The following FHIP1A variants were observed in gnomAD, a reference collection of about 807,000 sequenced individuals.
The protein encoded by FHIP1A is FHF complex subunit HOOK-interacting protein 1A.
FHIP1A carries 61 observed loss-of-function variants against 88.6 expected under a neutral mutation model. The observed-to-expected ratio is 0.69, with a 90% confidence interval of 0.56 to 0.85. FHIP1A has a LOEUF of 0.85. FHIP1A is among the 40% of genes least tolerant of loss of function. The probability of loss-of-function intolerance (pLI) is 0.00; values close to 1 mark genes in which losing one functional copy is unlikely to be tolerated. For synonymous variants in FHIP1A, 478 were observed against 496.0 expected, an observed-to-expected ratio of 0.96 and a Z score of 0.48; for missense variants, 1,154 against 1,273.5, an observed-to-expected ratio of 0.91 and a Z score of 1.43.
At chr4:151,610,553 C>T (rs1735283361) in intron 7 of FHIP1A, among the ~76,000 whole-genome samples, 1 of 152,182 alleles carries the variant, frequency 6.6e-6, no homozygotes, top group Non-Finnish European at 1.5e-5. Flanking sequence ...AATCCCAAAG[C>T]TCCTTCTACC....
chr4:151,630,765 A>C (rs1736129307), intron 8 of FHIP1A, among the ~76,000 whole-genome samples: 1 of 152,238 alleles, frequency 6.6e-6, no homozygotes, highest in Non-Finnish European at 1.5e-5. Flanking sequence ...TAGGCCATAT[A>C]ACAAGCCTCA....
chr4:151,522,558 C>T (rs1454160200), intron 3 of FHIP1A, among the ~76,000 whole-genome samples: 1 of 152,178 alleles, frequency 6.6e-6, no homozygotes, highest in Admixed American at 6.5e-5. Context: ...TGTGAATTCC[C>T]TTCAGTATCC....
chr4:151,454,726 A>G lies in FHIP1A; in HGVS notation c.-330A>G, dbSNP rs974487886. 9 of 151,758 alleles carry G rather than the reference A, an allele frequency of 5.9e-5. No individual in the cohort carries two copies. The highest frequency in any genetic ancestry group is 1.3e-4 in the Admixed American group (2 of 15,238). 9.4% of individuals were successfully genotyped at this position (151,758 alleles called of 1,614,324 possible). A position where few individuals can be genotyped will look rare whatever the true frequency, so the allele number is the denominator to read the frequency against. On this transcript the variant is annotated 5_prime_UTR_variant, in exon 2 of 14. Coordinates refer to ENST00000435205, the MANE Select transcript of FHIP1A (RefSeq NM_001109977.3). Reference sequence around the variant, plus strand: ...GTGATACACTTGGGTGTTGAAGGACATTTTTGAAATCATGAGAACTCAATG... The same window carrying G: ...GTGATACACTTGGGTGTTGAAGGACGTTTTTGAAATCATGAGAACTCAATG...
chr4:151,492,405 A>G (rs1730314749), intron 3 of FHIP1A, among the ~76,000 whole-genome samples: 1 of 151,998 alleles, frequency 6.6e-6, no homozygotes, highest in East Asian at 1.9e-4. Context: ...CAGCCTGATC[A>G]ATATGGTGAA....
Position 151,649,675 on chromosome 4 carries a change from T to G in FHIP1A, c.1634T>G (p.Val545Gly), listed in dbSNP as rs1167194686. 2 of 1,551,590 alleles carry G rather than the reference T, an allele frequency of 1.3e-6. No homozygotes were observed. Among genetic ancestry groups the G allele is most frequent in the South Asian group, 2.4e-5 (2 of 84,060 alleles). Residue 545 changes from valine to glycine, a missense_variant, in exon 11 of 14, where the codon GTG (valine) becomes GGG (glycine). Val to Gly is a moderately radical substitution (Grantham distance 109, BLOSUM62 -3). Coordinates refer to ENST00000435205, the MANE Select transcript of FHIP1A (RefSeq NM_001109977.3). ...FLQSLTEEGS[V>G]SSACPVFGLP... ...CAGAGTCTGACGGAGGAGGGCAGTG[T>G]GAGCTCGGCCTGCCCTGTGTTCGGG...
chr4:151,494,618 T>C (rs890837899), intron 3 of FHIP1A, among the ~76,000 whole-genome samples: 1 of 152,238 alleles, frequency 6.6e-6, no homozygotes, highest in African/African-American at 2.4e-5. Flanking sequence ...GCTCCAACTT[T>C]GTTCTTTTTG....
chr4:151,415,830 C>T (rs1732870529), intron 1 of FHIP1A, among the ~76,000 whole-genome samples: 1 of 152,112 alleles, frequency 6.6e-6, no homozygotes, highest in Admixed American at 6.6e-5. Context: ...CCTCACATTT[C>T]AGGTTCTTTT....
chr4:151,514,005 T>C (rs1256005183), intron 3 of FHIP1A, among the ~76,000 whole-genome samples: 2 of 151,078 alleles, frequency 1.3e-5, no homozygotes, highest in Non-Finnish European at 2.9e-5. Flanking sequence ...TATACATTTT[T>C]TTCAGCACCA....
At chr4:151,644,722 T>C (rs1736722535) in intron 9 of FHIP1A, among the ~76,000 whole-genome samples, 2 of 152,152 alleles carry the variant, frequency 1.3e-5, no homozygotes, top group African/African-American at 2.4e-5. Context: ...GCATCAGCCA[T>C]GGTCCTCTCT....
chr4:151,527,324 C>T (rs547441401), intron 3 of FHIP1A, among the ~76,000 whole-genome samples: 32 of 152,332 alleles, frequency 2.1e-4, no homozygotes, highest in African/African-American at 5.8e-4. Context: ...GAGCTGGAGA[C>T]CAGCCCGGCC....
Position 151,664,891 on chromosome 4 carries a change from G to A in FHIP1A, c.*2137G>A, listed in dbSNP as rs1737606589. Reference sequence around the variant, plus strand: ...TATTTCTGCATTGTAGAATACCATGGTCCCCTTTGTGGAAAGTTTCCTTTG... The same window carrying A: ...TATTTCTGCATTGTAGAATACCATGATCCCCTTTGTGGAAAGTTTCCTTTG... On this transcript the variant is annotated 3_prime_UTR_variant, in exon 14 of 14. Coordinates refer to ENST00000435205, the MANE Select transcript of FHIP1A (RefSeq NM_001109977.3). Among the ~76,000 whole-genome samples, 1 of 151,950 alleles carries A rather than the reference G, an allele frequency of 6.6e-6. No homozygotes were observed. The highest frequency in any genetic ancestry group is 2.1e-4 in the South Asian group (1 of 4,790).
At position 151,662,640 on chromosome 4, in the gene FHIP1A, C is replaced by T; in HGVS notation, c.3009C>T (p.Pro1003=). ...ACCTGCCCCTGCCGGTGAGGAACCC[C>T]ATGCTGGCTGCTGCCCTCTTCCCAG... The part of the protein sequence containing the change: ...PPNLPLPVRN[P]MLAAALFPEF... The change falls in exon 14 of 14, where the codon CCC becomes CCT. Residue 1003 remains proline, a synonymous_variant. Coordinates refer to ENST00000435205, the MANE Select transcript of FHIP1A (RefSeq NM_001109977.3). 6.4e-7 allele frequency: 1 copy of T among 1,551,674 alleles called. No individual in the cohort carries two copies. The highest frequency in any genetic ancestry group is 8.7e-7 in the Non-Finnish European group (1 of 1,146,994).
At chr4:151,428,161 A>G (rs1198554416) in intron 1 of FHIP1A, among the ~76,000 whole-genome samples, 1 of 151,934 alleles carries the variant, frequency 6.6e-6, no homozygotes, top group East Asian at 1.9e-4. Flanking sequence ...GCCCAGGTAT[A>G]ACACAATTTT....
chr4:151,631,826 A>G (rs1039693753), intron 8 of FHIP1A, among the ~76,000 whole-genome samples: 1 of 152,168 alleles, frequency 6.6e-6, no homozygotes, highest in African/African-American at 2.4e-5. Context: ...AGGGAAAGAA[A>G]AGAGTGAATT....
chr4:151,439,324 A>G (rs1239328179), intron 1 of FHIP1A, among the ~76,000 whole-genome samples: 4 of 152,204 alleles, frequency 2.6e-5, no homozygotes, highest in Non-Finnish European at 5.9e-5. Flanking sequence ...AAGTATTTAG[A>G]ATAGTGTCTG....
rs1353729693 is a variant in FHIP1A, at chr4:151,642,019, ATG to A, written c.1226+3264_1226+3265del. Among the ~76,000 whole-genome samples the A allele has an allele frequency of 3.3e-5, 5 of 152,252 alleles. No homozygotes were observed. In the East Asian group the frequency reaches 9.6e-4, roughly 29 times the overall value. On this transcript the variant is annotated intron_variant, in intron 9 of 13. Transcript: ENST00000435205. ...TACTCATAAATACCAACATTTCAAAATGATGATCCATTTGTAACGGATACTAG... is the reference window on the plus strand; with the variant it reads ...TACTCATAAATACCAACATTTCAAAAATGATCCATTTGTAACGGATACTAG...
chr4:151,418,807 A>T (rs1733001460), intron 1 of FHIP1A, among the ~76,000 whole-genome samples: 1 of 152,230 alleles, frequency 6.6e-6, no homozygotes, highest in African/African-American at 2.4e-5. Flanking sequence ...TGCCTACCAG[A>T]GCACCTTATA....
intron 2 of FHIP1A, among the ~76,000 whole-genome samples, chr4:151,471,110 G>T (rs1186079632): frequency 2.0e-5 from 3 of 152,048 alleles, no homozygotes; most frequent in South Asian, 2.1e-4. Context: ...CAAGTGCTTG[G>T]TTCAGGAACT....
intron 3 of FHIP1A, among the ~76,000 whole-genome samples, chr4:151,527,561 G>C (rs1364021454): frequency 6.6e-6 from 1 of 151,760 alleles, no homozygotes; most frequent in Admixed American, 6.6e-5. Flanking sequence ...GCGAGAGAGA[G>C]AGGGAGAGGG....
Sources: allele counts gnomAD v4.1 joint callset (sites outside exome capture counted in the v4.1 genomes callset), GRCh38; gene constraint gnomAD v4.1.1; transcripts MANE v1.5; gene names NCBI Gene and HGNC (gene_info 2026-07-23, HGNC 2026-07-21).